Variants in CADPS2 observed in about 807,000 individuals in gnomAD.
CADPS2 encodes the protein calcium dependent secretion activator 2, also known as calcium-dependent secretion activator 2.
Under a neutral mutation model 172.5 loss-of-function variants are expected in CADPS2, and 93 were observed. That is an observed-to-expected ratio of 0.54 (90% confidence interval 0.46 to 0.64). The LOEUF is 0.64. Ranked by LOEUF, CADPS2 falls within the 30% of genes least tolerant of loss-of-function variation. CADPS2 has a pLI of 0.00. For synonymous variants in CADPS2, 546 were observed against 555.2 expected (o/e 0.98, Z 0.23); for missense variants, 1,420 against 1,565.9 (o/e 0.91, Z 1.57).
intron 3 of CADPS2, among the ~76,000 whole-genome samples, chr7:122,637,747 T>C (rs1271045727): frequency 6.6e-6 from 1 of 152,186 alleles, no homozygotes; most frequent in African/African-American, 2.4e-5. Context: ...CCTTTTTGAA[T>C]TGCCAGCGTT....
intron 1 of CADPS2, among the ~76,000 whole-genome samples, chr7:122,799,280 A>G (rs73718011): frequency 0.016 from 2,504 of 152,298 alleles, 66 homozygotes; most frequent in African/African-American, 0.057. Context: ...AGATTGAGAG[A>G]AGACAGAAGC....
At chr7:122,731,875 G>C (rs1469655144) in intron 2 of CADPS2, among the ~76,000 whole-genome samples, 1 of 151,520 alleles carries the variant, frequency 6.6e-6, no homozygotes, top group Non-Finnish European at 1.5e-5. Flanking sequence ...TTAGATATTT[G>C]GGTCAATTTT....
chr7:122,862,732 T>TA (rs1311563055), intron 1 of CADPS2, among the ~76,000 whole-genome samples: 17 of 150,558 alleles, frequency 1.1e-4, no homozygotes, highest in South Asian at 2.1e-4. Flanking sequence ...TTGTTTTTTT[T>TA]AAAAAAAAAA....
At chr7:122,511,387 C>T (rs926425671) in intron 9 of CADPS2, among the ~76,000 whole-genome samples, 10 of 152,090 alleles carry the variant, frequency 6.6e-5, no homozygotes, top group African/African-American at 2.4e-4. Flanking sequence ...CAAAAGATTA[C>T]TTGGAACCTT....
At chr7:122,445,667 T>C (rs1407509822) in intron 15 of CADPS2, among the ~76,000 whole-genome samples, 1 of 152,078 alleles carries the variant, frequency 6.6e-6, no homozygotes, top group Non-Finnish European at 1.5e-5. Flanking sequence ...AAGAAAATAT[T>C]ATCTGCGCAT....
intron 1 of CADPS2, among the ~76,000 whole-genome samples, chr7:122,822,349 A>T (rs1015408626): frequency 2.0e-5 from 3 of 151,836 alleles, no homozygotes; most frequent in African/African-American, 7.3e-5. Context: ...TAATATCCCC[A>T]CAATATCACC....
At chr7:122,514,499 A>G (rs2060214828) in intron 8 of CADPS2, among the ~76,000 whole-genome samples, 1 of 152,060 alleles carries the variant, frequency 6.6e-6, no homozygotes, top group African/African-American at 2.4e-5. Context: ...CCCTTTAGAA[A>G]CAGTGACATA....
At chr7:122,879,779 G>A (rs1335971941) in intron 1 of CADPS2, among the ~76,000 whole-genome samples, 1 of 152,208 alleles carries the variant, frequency 6.6e-6, no homozygotes. Context: ...CATCTACAAA[G>A]TGGTATAAAA....
intron 8 of CADPS2, among the ~76,000 whole-genome samples, chr7:122,528,672 T>C (rs1049306664): frequency 6.6e-6 from 1 of 152,146 alleles, no homozygotes; most frequent in Non-Finnish European, 1.5e-5. Context: ...GACAAAACTA[T>C]ATTCACAGTG....
chr7:122,690,097 A>C (rs1410176017), intron 2 of CADPS2, among the ~76,000 whole-genome samples: 1 of 152,210 alleles, frequency 6.6e-6, no homozygotes, highest in African/African-American at 2.4e-5. Flanking sequence ...GACATTGGTC[A>C]CCTCAGTAAG....
intron 9 of CADPS2, among the ~76,000 whole-genome samples, chr7:122,511,525 T>C (rs566918631): frequency 2.0e-5 from 3 of 152,286 alleles, no homozygotes; most frequent in East Asian, 1.9e-4. Flanking sequence ...GCAAATAACA[T>C]ACTGAACATC....
At chr7:122,730,995 T>G (rs955852015) in intron 2 of CADPS2, among the ~76,000 whole-genome samples, 5 of 151,204 alleles carry the variant, frequency 3.3e-5, no homozygotes, top group African/African-American at 1.2e-4. Flanking sequence ...TGAAAAATTT[T>G]TTTTTAATTC....
At chr7:122,370,861 G>A (rs926070057) in intron 25 of CADPS2, among the ~76,000 whole-genome samples, 4 of 152,150 alleles carry the variant, frequency 2.6e-5, no homozygotes, top group Non-Finnish European at 5.9e-5. Context: ...ATGGGGACAA[G>A]AGCAATTATA....
intron 1 of CADPS2, among the ~76,000 whole-genome samples, chr7:122,778,855 A>G (rs37900): frequency 0.44 from 67,049 of 152,108 alleles, 17,250 homozygotes; most frequent in African/African-American, 0.72. Context: ...CTTGGGAGGG[A>G]CCAGGGGTGG....
chr7:122,416,296 C>CA (rs35971020), intron 17 of CADPS2, 132 bp from the exon 18 acceptor site: 18,263 of 331,126 alleles, frequency 0.055, 40 homozygotes, highest in Non-Finnish European at 0.06. Flanking sequence ...ATTATTTAGA[C>CA]AAAAAAAAAA....
chr7:122,343,745 T>C (rs377724931), intron 28 of CADPS2, among the ~76,000 whole-genome samples: 3 of 143,512 alleles, frequency 2.1e-5, no homozygotes, highest in East Asian at 1.9e-4. Flanking sequence ...GGGAATAACA[T>C]CAACTCAATT....
intron 1 of CADPS2, among the ~76,000 whole-genome samples, chr7:122,759,547 ATTGT>A (rs1010265669): frequency 1.3e-5 from 2 of 152,274 alleles, no homozygotes; most frequent in East Asian, 1.9e-4. Context: ...GTTCTCAGAA[ATTGT>A]TTGGGGTTTC....
At chr7:122,578,822 T>C (rs952741414) in intron 7 of CADPS2, among the ~76,000 whole-genome samples, 11 of 152,114 alleles carry the variant, frequency 7.2e-5, no homozygotes, top group Non-Finnish European at 1.5e-4. Context: ...TGTGAAATGA[T>C]GGTGCTTTGA....
At chr7:122,646,615 G>C (rs1205911128) in intron 3 of CADPS2, among the ~76,000 whole-genome samples, 2 of 152,088 alleles carry the variant, frequency 1.3e-5, no homozygotes, top group African/African-American at 4.8e-5. Context: ...ACTTTATCTA[G>C]AACACAGACT....
Sources: gnomAD v4.1 joint callset for allele counts (sites outside exome capture counted in the v4.1 genomes callset) on GRCh38, gnomAD v4.1.1 for gene constraint, MANE v1.5 for transcripts, NCBI Gene and HGNC (gene_info 2026-07-23, HGNC 2026-07-21) for gene names.